SCAPER: variants seen among roughly 807,000 people sequenced by gnomAD.
The protein encoded by SCAPER is S phase cyclin A-associated protein in the endoplasmic reticulum.
SCAPER carries 98 observed loss-of-function variants against 182.2 expected under a neutral mutation model. The observed-to-expected ratio is 0.54, with a 90% confidence interval of 0.46 to 0.64. The LOEUF (loss-of-function observed/expected upper bound fraction) is 0.64. Among genes scored for constraint, SCAPER ranks in the 30% least tolerant of loss-of-function variants. SCAPER has a pLI of 0.00. For synonymous variants in SCAPER, 605 were observed against 564.6 expected, an observed-to-expected ratio of 1.07 and a Z score of -1.01; for missense variants, 1,432 against 1,690.0, an observed-to-expected ratio of 0.85 and a Z score of 2.68.
chr15:76,899,745 T>C (rs1435394530), intron 1 of SCAPER, among the ~76,000 whole-genome samples: 2 of 150,730 alleles, frequency 1.3e-5, no homozygotes, highest in Non-Finnish European at 3.0e-5. Flanking sequence ...GCCCATCGTC[T>C]GGGATGTGAG....
At chr15:76,824,134 A>G (rs2151668358) in intron 5 of SCAPER, among the ~76,000 whole-genome samples, 1 of 152,356 alleles carries the variant, frequency 6.6e-6, no homozygotes, top group Admixed American at 6.5e-5. Context: ...GCAACCTCAT[A>G]GTCACTGATG....
intron 22 of SCAPER, among the ~76,000 whole-genome samples, chr15:76,618,367 T>C (rs2051691902): frequency 1.3e-5 from 2 of 152,212 alleles, no homozygotes; most frequent in South Asian, 4.1e-4. Context: ...CTGAGTCCTA[T>C]CTCATATTCC....
At chr15:76,459,831 T>C (rs2049020736) in intron 25 of SCAPER, among the ~76,000 whole-genome samples, 1 of 152,156 alleles carries the variant, frequency 6.6e-6, no homozygotes, top group Non-Finnish European at 1.5e-5. Flanking sequence ...TGTAATTCAT[T>C]TTGAGTTGAT....
At chr15:76,762,174 T>C (rs1848727645) in intron 14 of SCAPER, among the ~76,000 whole-genome samples, 1 of 152,116 alleles carries the variant, frequency 6.6e-6, no homozygotes, top group South Asian at 2.1e-4. Context: ...CAGCATATGG[T>C]TGGGTATGTC....
chr15:76,505,310 C>T (rs1326626049), intron 23 of SCAPER, among the ~76,000 whole-genome samples: 1 of 152,048 alleles, frequency 6.6e-6, no homozygotes, highest in African/African-American at 2.4e-5. Flanking sequence ...AAAGAGACAA[C>T]CCACAGAATG....
At chr15:76,652,514 T>TACAC (rs1197105259) in intron 21 of SCAPER, among the ~76,000 whole-genome samples, 7 of 63,354 alleles carry the variant, frequency 1.1e-4, no homozygotes, top group Non-Finnish European at 1.3e-4. Context: ...TATATTTACA[T>TACAC]ACATACACAC....
chr15:76,889,625 C>T (rs1310285162), intron 1 of SCAPER, among the ~76,000 whole-genome samples: 2 of 152,170 alleles, frequency 1.3e-5, no homozygotes, highest in Admixed American at 6.5e-5. Context: ...GAACAACTAT[C>T]CTAAATATAT....
At chr15:76,376,071 T>C (rs2042545285) in intron 29 of SCAPER, 91 bp downstream of exon 29, 1 of 1,518,640 alleles carries the variant, frequency 6.6e-7, no homozygotes, top group Admixed American at 1.9e-5. Context: ...GACATTTGGG[T>C]TCCAGCCCGC....
intron 25 of SCAPER, among the ~76,000 whole-genome samples, chr15:76,443,300 G>A (rs2047750091): frequency 6.6e-6 from 1 of 152,178 alleles, no homozygotes; most frequent in South Asian, 2.1e-4. Flanking sequence ...TGTCTGAAGA[G>A]GCTCTAGTTG....
At chr15:76,573,215 C>A (rs765484672) in intron 23 of SCAPER, among the ~76,000 whole-genome samples, 2 of 152,058 alleles carry the variant, frequency 1.3e-5, no homozygotes, top group Non-Finnish European at 2.9e-5. Flanking sequence ...TAATTCTGTA[C>A]AGTATTCCCT....
chr15:76,771,965 G>A lies in SCAPER; in HGVS notation c.1036-11C>T, dbSNP rs377395241. On this transcript the variant is annotated splice_polypyrimidine_tract_variant and intron_variant, in intron 9 of 31. Transcript: ENST00000563290. ...TGTACTCACTGTGAACTAACAAAAC[G>A]TAGAGAATGAATCAGAGATAATTAA... The A allele has an allele frequency of 2.7e-5, 42 of 1,582,238 alleles. No individual in the cohort carries two copies. In the African/African-American group the frequency reaches 5.0e-4, roughly 19 times the overall value.
intron 23 of SCAPER, among the ~76,000 whole-genome samples, chr15:76,528,470 T>G (rs939995047): frequency 6.6e-6 from 1 of 152,216 alleles, no homozygotes; most frequent in African/African-American, 2.4e-5. Flanking sequence ...GTTATTTTTC[T>G]TATAAGAAAT....
At chr15:76,699,735 C>T (rs1393913307) in intron 20 of SCAPER, among the ~76,000 whole-genome samples, 1 of 152,226 alleles carries the variant, frequency 6.6e-6, no homozygotes, top group African/African-American at 2.4e-5. Context: ...GGCAACAACA[C>T]TTCAATGGCG....
At chr15:76,578,584 T>C (rs1319999868) in intron 22 of SCAPER, among the ~76,000 whole-genome samples, 1 of 152,200 alleles carries the variant, frequency 6.6e-6, no homozygotes. Flanking sequence ...AGCAAATTCT[T>C]CTGGATCTTA....
At chr15:76,892,388 C>T (rs1286401246) in intron 1 of SCAPER, among the ~76,000 whole-genome samples, 2 of 152,152 alleles carry the variant, frequency 1.3e-5, no homozygotes, top group Non-Finnish European at 2.9e-5. Context: ...GAACAGGCAA[C>T]CTACAGAATG....
At chr15:76,728,794 T>A (rs1218026854) in intron 16 of SCAPER, 57 bp from the exon 17 acceptor site, 1 of 1,531,616 alleles carries the variant, frequency 6.5e-7, no homozygotes, top group Non-Finnish European at 8.8e-7. Context: ...TAAAAATGAT[T>A]CAAAGTAATA....
chr15:76,376,549 A>G (rs897729734), intron 28 of SCAPER, among the ~76,000 whole-genome samples: 4 of 152,242 alleles, frequency 2.6e-5, no homozygotes, highest in African/African-American at 9.6e-5. Flanking sequence ...TACCACGTGG[A>G]TCAAGACATT....
At chr15:76,842,765 T>C (rs151336308) in intron 4 of SCAPER, among the ~76,000 whole-genome samples, 1 of 152,284 alleles carries the variant, frequency 6.6e-6, no homozygotes, top group Non-Finnish European at 1.5e-5. Flanking sequence ...GATTAATAAA[T>C]TGAGGTTCAG....
chr15:76,857,104 C>A (rs1186528183), intron 4 of SCAPER, among the ~76,000 whole-genome samples: 1 of 152,078 alleles, frequency 6.6e-6, no homozygotes, highest in Non-Finnish European at 1.5e-5. Flanking sequence ...ACATTGAAGG[C>A]ATAGCAGAGG....
Sources: allele counts gnomAD v4.1 joint callset (sites outside exome capture counted in the v4.1 genomes callset), GRCh38; gene constraint gnomAD v4.1.1; transcripts MANE v1.5; gene names NCBI Gene and HGNC (gene_info 2026-07-23, HGNC 2026-07-21).